Variants in HPSE2 observed in about 807,000 individuals in gnomAD.
The protein encoded by HPSE2 is heparanase 2 (inactive).
A neutral mutation model predicts 60.5 loss-of-function variants in HPSE2; 38 were observed. That is an observed-to-expected ratio of 0.63 (90% CI 0.48 to 0.82). HPSE2 has a LOEUF of 0.82. HPSE2 is among the 40% of genes least tolerant of loss of function. HPSE2 has a pLI of 0.00. For synonymous variants in HPSE2, 295 were observed against 293.2 expected (o/e 1.01, Z -0.06); for missense variants, 713 against 740.4 (o/e 0.96, Z 0.43).
chr10:98,560,386 G>A (rs1174231517), intron 9 of HPSE2, among the ~76,000 whole-genome samples: 1 of 152,224 alleles, frequency 6.6e-6, no homozygotes, highest in Admixed American at 6.5e-5. Context: ...TGACAAACAG[G>A]CAGGTGGAGG....
At chr10:98,459,773 T>C (rs1940204632) in intron 11 of HPSE2, 34 bp from the exon 12 acceptor site, 2 of 1,592,078 alleles carry the variant, frequency 1.3e-6, no homozygotes, top group Non-Finnish European at 1.7e-6. Context: ...GGACTCATTA[T>C]TGCATTATAA....
chr10:99,122,023 G>A (rs1278905843), intron 3 of HPSE2, among the ~76,000 whole-genome samples: 1 of 151,988 alleles, frequency 6.6e-6, no homozygotes, highest in Non-Finnish European at 1.5e-5. Context: ...CAAGATAACA[G>A]GCACATACTG....
At chr10:99,002,286 C>T (rs944234996) in intron 3 of HPSE2, among the ~76,000 whole-genome samples, 7 of 152,006 alleles carry the variant, frequency 4.6e-5, no homozygotes, top group Non-Finnish European at 1.5e-5. Context: ...GTAGATATTC[C>T]ATCCTCATGG....
chr10:99,239,589 G>A (rs531293482), upstream of HPSE2, among the ~76,000 whole-genome samples: 5 of 151,628 alleles, frequency 3.3e-5, no homozygotes, highest in South Asian at 2.1e-4. Flanking sequence ...ATCGCCACGC[G>A]CAGCTAATTT....
intron 3 of HPSE2, among the ~76,000 whole-genome samples, chr10:98,888,213 C>T (rs1590017643): frequency 6.7e-6 from 1 of 150,360 alleles, no homozygotes; most frequent in Non-Finnish European, 1.5e-5. Context: ...CTGAAGAAAA[C>T]GGAGCAAATA....
chr10:98,534,726 A>T (rs577427437), intron 9 of HPSE2, among the ~76,000 whole-genome samples: 1 of 152,202 alleles, frequency 6.6e-6, no homozygotes, highest in Non-Finnish European at 1.5e-5. Context: ...TTTGGCATCA[A>T]ATAACTTTTG....
At chr10:98,470,055 C>G (rs1211722139) in intron 11 of HPSE2, among the ~76,000 whole-genome samples, 1 of 151,938 alleles carries the variant, frequency 6.6e-6, no homozygotes, top group East Asian at 1.9e-4. Flanking sequence ...TACAAAGCAT[C>G]CCCTTTACAG....
chr10:98,907,446 G>C (rs929768817), intron 3 of HPSE2, among the ~76,000 whole-genome samples: 1 of 152,080 alleles, frequency 6.6e-6, no homozygotes, highest in Non-Finnish European at 1.5e-5. Context: ...TGCCAGCCTA[G>C]GCAACATAGT....
At chr10:98,803,286 A>G (rs1950961018) in intron 3 of HPSE2, among the ~76,000 whole-genome samples, 1 of 150,098 alleles carries the variant, frequency 6.7e-6, no homozygotes, top group African/African-American at 2.5e-5. Context: ...GTTCACTCTG[A>G]TGGTAGTTTC....
At chr10:99,160,670 C>T (rs552469972) in intron 2 of HPSE2, among the ~76,000 whole-genome samples, 2 of 151,942 alleles carry the variant, frequency 1.3e-5, no homozygotes, top group African/African-American at 4.8e-5. Context: ...GAGGCCGAGG[C>T]GGGCGGATCA....
At chr10:99,025,155 A>G (rs1223696854) in intron 3 of HPSE2, among the ~76,000 whole-genome samples, 3 of 152,182 alleles carry the variant, frequency 2.0e-5, no homozygotes, top group Non-Finnish European at 4.4e-5. Context: ...TAGAAACAAC[A>G]AAAAGCTAAG....
chr10:98,568,659 C>T (rs986251326), intron 9 of HPSE2, among the ~76,000 whole-genome samples: 1 of 152,168 alleles, frequency 6.6e-6, no homozygotes, highest in African/African-American at 2.4e-5. Context: ...CCTTTCTCTG[C>T]CTTGAGGTTC....
At position 98,462,561 on chromosome 10, in the gene HPSE2, C is replaced by T. The variant is rs552213985; in HGVS notation, c.1614-2822G>A. On this transcript the variant is annotated intron_variant, in intron 11 of 11. Transcript: ENST00000370552. ...ATACCTGACTGCTCTGTGGTACTCA[C>T]ATTTTCAGGTCTCCATTCTCAAAAC... 2.7e-4 allele frequency among the ~76,000 whole-genome samples: 41 copies of T among 152,340 alleles called. 2 individuals carry two copies. In the South Asian group the frequency reaches 8.3e-3, roughly 31 times the overall value.
At chr10:99,222,516 T>A (rs12775048) in intron 2 of HPSE2, among the ~76,000 whole-genome samples, 13 of 152,128 alleles carry the variant, frequency 8.5e-5, no homozygotes, top group Non-Finnish European at 1.5e-4. Flanking sequence ...CAGAGTATGG[T>A]TCAGTGTATA....
At chr10:99,087,403 G>A (rs894105401) in intron 3 of HPSE2, among the ~76,000 whole-genome samples, 1 of 152,162 alleles carries the variant, frequency 6.6e-6, no homozygotes, top group African/African-American at 2.4e-5. Flanking sequence ...TCCTGCCCTT[G>A]GATACACGTA....
intron 9 of HPSE2, among the ~76,000 whole-genome samples, chr10:98,538,758 A>G (rs1222213745): frequency 6.6e-6 from 1 of 152,138 alleles, no homozygotes; most frequent in Non-Finnish European, 1.5e-5. Flanking sequence ...TTGATTTTGC[A>G]TCAGCATTTC....
intron 3 of HPSE2, among the ~76,000 whole-genome samples, chr10:98,974,077 G>A (rs1268791569): frequency 6.6e-6 from 1 of 151,908 alleles, no homozygotes; most frequent in Non-Finnish European, 1.5e-5. Flanking sequence ...GATCACTTGA[G>A]ACAACAAGTT....
intron 2 of HPSE2, among the ~76,000 whole-genome samples, chr10:99,174,096 C>T (rs535459788): frequency 5.3e-5 from 8 of 152,120 alleles, no homozygotes; most frequent in African/African-American, 1.7e-4. Flanking sequence ...ACAAAACTCT[C>T]GTTAGACAAT....
intron 3 of HPSE2, among the ~76,000 whole-genome samples, chr10:98,859,955 G>A (rs1446877756): frequency 6.6e-6 from 1 of 151,982 alleles, no homozygotes; most frequent in Non-Finnish European, 1.5e-5. Flanking sequence ...ATAATATATT[G>A]TTATAATTGT....
Sources: allele counts gnomAD v4.1 joint callset (sites outside exome capture counted in the v4.1 genomes callset), GRCh38; gene constraint gnomAD v4.1.1; transcripts MANE v1.5; gene names NCBI Gene and HGNC (gene_info 2026-07-23, HGNC 2026-07-21).